The following CASD1 variants were observed in gnomAD, a reference collection of about 807,000 sequenced individuals.
The protein encoded by CASD1 is N-acetylneuraminate (7)9-O-acetyltransferase.
A neutral mutation model predicts 100.0 loss-of-function variants in CASD1; 41 were observed. The observed-to-expected ratio is 0.41, with a 90% CI of 0.32 to 0.53. The LOEUF (loss-of-function observed/expected upper bound fraction) is 0.53, where lower values mean the gene tolerates loss of function less well. CASD1 is among the 20% of genes least tolerant of loss of function. The pLI is 0.25. For missense variants in CASD1, 774 were observed against 948.7 expected (o/e 0.82, Z 2.42); for synonymous variants, 321 against 315.6 (o/e 1.02, Z -0.18).
At chr7:94,526,291 C>T (rs1241157306) in intron 3 of CASD1, among the ~76,000 whole-genome samples, 1 of 152,336 alleles carries the variant, frequency 6.6e-6, no homozygotes, top group East Asian at 1.9e-4. Flanking sequence ...TTTTTACTAC[C>T]TTCTAGAGTA....
intron 10 of CASD1, among the ~76,000 whole-genome samples, chr7:94,542,544 T>G (rs886722736): frequency 1.3e-5 from 2 of 152,212 alleles, no homozygotes; most frequent in Non-Finnish European, 2.9e-5. Context: ...GGTAACCTCA[T>G]TAAAAAATTA....
chr7:94,582,577 A>G, the CASD1 span, among the ~76,000 whole-genome samples: 1 of 152,210 alleles, frequency 6.6e-6, no homozygotes, highest in African/African-American at 2.4e-5. Flanking sequence ...ATAGATTGCA[A>G]AAATTTTCTC....
chr7:94,539,638 C>A, intron 10 of CASD1, among the ~76,000 whole-genome samples: 1 of 139,012 alleles, frequency 7.2e-6, no homozygotes, highest in Admixed American at 7.9e-5. Flanking sequence ...CACTGTACTC[C>A]AGCCTGGGTT....
chr7:94,546,517 C>G (rs918486711), intron 12 of CASD1, among the ~76,000 whole-genome samples: 6 of 151,900 alleles, frequency 3.9e-5, no homozygotes, highest in Non-Finnish European at 7.4e-5. Context: ...GAGGTCTAGC[C>G]TCTATTAAAG....
intron 3 of CASD1, among the ~76,000 whole-genome samples, chr7:94,525,630 A>C (rs77635788): frequency 6.6e-6 from 1 of 152,224 alleles, no homozygotes; most frequent in Non-Finnish European, 1.5e-5. Context: ...TCTGAGGACA[A>C]ATTTTTAAAA....
At position 94,555,885 on chromosome 7, in the gene CASD1, T is replaced by G. The variant is rs1796182308; in HGVS notation, c.*127T>G. On this transcript the variant is annotated 3_prime_UTR_variant, in exon 18 of 18. Transcript: ENST00000297273. Reference sequence around the variant, plus strand: ...AACGTTTGTGGCAAGAGGACAGTTCTGTGACATCTGTTGAACATATGTGGT... The same window carrying G: ...AACGTTTGTGGCAAGAGGACAGTTCGGTGACATCTGTTGAACATATGTGGT... 7.9e-6 allele frequency: 7 copies of G among 890,568 alleles called. No individual in the cohort carries two copies. The highest frequency in any genetic ancestry group is 1.2e-5 in the Non-Finnish European group (7 of 590,772). The allele number at this position is 890,568 out of a possible 1,614,324, so 55.2% of individuals were successfully genotyped here.
At chr7:94,608,939 G>A in the CASD1 span, among the ~76,000 whole-genome samples, 1 of 152,112 alleles carries the variant, frequency 6.6e-6, no homozygotes, top group Non-Finnish European at 1.5e-5. Flanking sequence ...AGGTCTACAT[G>A]CAAAATGCAA....
At chr7:94,588,236 G>A in the CASD1 span, 3 of 1,041,290 alleles carry the variant, frequency 2.9e-6, no homozygotes, top group African/African-American at 1.7e-5. Context: ...TTTTTAAAGC[G>A]GCTTTAAAAC....
chr7:94,614,130 A>C, the CASD1 span, among the ~76,000 whole-genome samples: 24 of 150,584 alleles, frequency 1.6e-4, no homozygotes, highest in Admixed American at 9.3e-4. Context: ...AAAAAAAAAA[A>C]CACAGTAAAT....
chr7:94,613,271 C>T, the CASD1 span, among the ~76,000 whole-genome samples: 2 of 152,034 alleles, frequency 1.3e-5, no homozygotes, highest in East Asian at 3.9e-4. Flanking sequence ...TGTCTGAGTC[C>T]ATGTGTAATA....
chr7:94,559,272 A>ATGTTTGTGTG (rs764130363), downstream of CASD1, among the ~76,000 whole-genome samples: 5 of 65,528 alleles, frequency 7.6e-5, no homozygotes, highest in African/African-American at 4.5e-4. Context: ...TTCTGTATAT[A>ATGTTTGTGTG]TGTCTGTGTG....
In CASD1 at chr7:94,545,619, T is replaced by G; in HGVS notation, c.1551T>G (p.Phe517Leu). 1 of 1,610,694 alleles carries G rather than the reference T, an allele frequency of 6.2e-7. No homozygotes were observed. Among genetic ancestry groups the G allele is most frequent in the South Asian group, 1.1e-5 (1 of 90,934 alleles). ...VMDRPYQFYYFVPLVTVWFMV... is the reference protein window; with the variant it reads ...VMDRPYQFYYLVPLVTVWFMV... ...ATCGACCTTATCAATTCTATTACTTTGTCCCCTTGGTCACTGTATGGTTCA... is the reference window on the plus strand; with the variant it reads ...ATCGACCTTATCAATTCTATTACTTGGTCCCCTTGGTCACTGTATGGTTCA... The change falls in exon 12 of 18, where the codon TTT (phenylalanine) becomes TTG (leucine). Residue 517 changes from phenylalanine (F) to leucine (L), a missense_variant. Physicochemically the swap from Phe to Leu is conservative, Grantham distance 22. This residue lies in a region of CASD1 where 453 missense variants were observed against 532.6 expected (regional missense o/e 0.85). Transcript: ENST00000297273.
chr7:94,599,987 A>G, the CASD1 span: 23 of 345,166 alleles, frequency 6.7e-5, no homozygotes, highest in South Asian at 1.3e-3. Flanking sequence ...TCTATGACAT[A>G]ATGAAATCAA....
intron 1 of CASD1, 58 bp from the exon 2 acceptor site, chr7:94,517,502 A>G (rs1262430960): frequency 1.9e-6 from 2 of 1,054,840 alleles, no homozygotes; most frequent in African/African-American, 3.2e-5. Flanking sequence ...GGGTCAAGAT[A>G]GCCGATGTGT....
chr7:94,551,022 A>G (rs536249155), intron 14 of CASD1, among the ~76,000 whole-genome samples: 1 of 152,146 alleles, frequency 6.6e-6, no homozygotes, highest in East Asian at 1.9e-4. Flanking sequence ...AAATTTTATC[A>G]TATGTCTGTA....
the CASD1 span, among the ~76,000 whole-genome samples, chr7:94,592,146 A>G: frequency 6.6e-6 from 1 of 152,212 alleles, no homozygotes; most frequent in Non-Finnish European, 1.5e-5. Flanking sequence ...ACTTGTAACT[A>G]AATGTGAACC....
chr7:94,530,623 T>C (rs776240343), intron 5 of CASD1, among the ~76,000 whole-genome samples: 20 of 152,136 alleles, frequency 1.3e-4, no homozygotes, highest in Non-Finnish European at 1.6e-4. Flanking sequence ...TTAGGCTAAC[T>C]TGTAAAGAAA....
chr7:94,598,898 T>C, the CASD1 span: 1 of 1,613,864 alleles, frequency 6.2e-7, no homozygotes. Context: ...TATCTCTCTA[T>C]TCTTGGACAT....
At position 94,556,684 on chromosome 7, in the gene CASD1, C is replaced by T. The variant is rs1004544419; in HGVS notation, c.*926C>T. 2.6e-5 allele frequency: 4 copies of T among 151,962 alleles called. No individual in the cohort carries two copies. The highest frequency in any genetic ancestry group is 9.7e-5 in the African/African-American group (4 of 41,410). The allele number at this position is 151,962 out of a possible 1,614,324, so 9.4% of individuals were successfully genotyped here. On this transcript the variant is annotated 3_prime_UTR_variant, in exon 18 of 18. Coordinates refer to ENST00000297273, the MANE Select transcript of CASD1 (RefSeq NM_022900.5). ...GTCTAAACTTGTGCAGTGTAGTAAA[C>T]ATGCAAGTTGTTACGATTGAGCTGT...
Sources: gnomAD v4.1 joint callset for allele counts (sites outside exome capture counted in the v4.1 genomes callset) on GRCh38, gnomAD v4.1.1 for gene constraint, gnomAD v4.1.1 regional missense constraint, MANE v1.5 for transcripts, NCBI Gene and HGNC (gene_info 2026-07-23, HGNC 2026-07-21) for gene names.